MYO1D: variants seen among roughly 807,000 people sequenced by gnomAD.
MYO1D encodes the protein myosin ID.
MYO1D carries 83 observed loss-of-function variants against 122.0 expected under a neutral mutation model. That is an observed-to-expected ratio of 0.68 (90% CI 0.57 to 0.82). The LOEUF (loss-of-function observed/expected upper bound fraction) is 0.82, where lower values mean the gene tolerates loss of function less well. Ranked by LOEUF, MYO1D falls within the 40% of genes least tolerant of loss-of-function variation. MYO1D has a pLI of 0.00. For missense variants in MYO1D, 1,157 were observed against 1,269.5 expected, an observed-to-expected ratio of 0.91 and a Z score of 1.35; for synonymous variants, 464 against 446.9, an observed-to-expected ratio of 1.04 and a Z score of -0.48.
intron 1 of MYO1D, among the ~76,000 whole-genome samples, chr17:32,834,885 C>T (rs2090807102): frequency 6.6e-6 from 1 of 151,990 alleles, no homozygotes; most frequent in Admixed American, 6.5e-5. Context: ...GGTGGTGCGC[C>T]CCTGTAGTCC....
At chr17:32,807,579 G>C (rs977697388) in intron 1 of MYO1D, among the ~76,000 whole-genome samples, 1 of 152,140 alleles carries the variant, frequency 6.6e-6, no homozygotes, top group Non-Finnish European at 1.5e-5. Context: ...ACACTTCTGC[G>C]GGAGTTAGGC....
intron 7 of MYO1D, among the ~76,000 whole-genome samples, chr17:32,766,377 A>G (rs1006876017): frequency 6.6e-6 from 1 of 152,166 alleles, no homozygotes; most frequent in African/African-American, 2.4e-5. Flanking sequence ...TTTTACTATC[A>G]TTTTAAGTTT....
chr17:32,855,287 G>A (rs967540101), intron 1 of MYO1D, among the ~76,000 whole-genome samples: 2 of 151,872 alleles, frequency 1.3e-5, no homozygotes, highest in African/African-American at 2.4e-5. Flanking sequence ...GACTGTTCCC[G>A]GCACCCCCAG....
intron 1 of MYO1D, among the ~76,000 whole-genome samples, chr17:32,833,316 G>A (rs2090789619): frequency 6.6e-6 from 1 of 152,074 alleles, no homozygotes; most frequent in Non-Finnish European, 1.5e-5. Context: ...AGTATATCGA[G>A]AATCCATCTA....
chr17:32,622,864 T>G (rs1194843463), intron 20 of MYO1D, among the ~76,000 whole-genome samples: 1 of 152,146 alleles, frequency 6.6e-6, no homozygotes, highest in African/African-American at 2.4e-5. Flanking sequence ...CTGAGATGGG[T>G]GCTACTGTTA....
At chr17:32,704,123 A>C (rs563052310) in intron 16 of MYO1D, among the ~76,000 whole-genome samples, 61 of 152,324 alleles carry the variant, frequency 4.0e-4, no homozygotes, top group African/African-American at 1.3e-3. Flanking sequence ...AAACTTATAT[A>C]GTTTCTTCAG....
chr17:32,759,795 T>C, intron 10 of MYO1D: 1 of 308,506 alleles, frequency 3.2e-6, no homozygotes, highest in Non-Finnish European at 5.9e-6. Context: ...ATAATTGAAG[T>C]GTAATACACA....
At chr17:32,619,230 T>C (rs149260146) in intron 20 of MYO1D, among the ~76,000 whole-genome samples, 168 of 152,324 alleles carry the variant, frequency 1.1e-3, no homozygotes, top group African/African-American at 4.0e-3. Context: ...AGTTTTCATA[T>C]ATTGCAGTCA....
Position 32,741,515 on chromosome 17 carries a change from G to T in MYO1D, c.1614-3130C>A, listed in dbSNP as rs117490665. Among the ~76,000 whole-genome samples, 147 of 152,188 alleles carry T rather than the reference G, an allele frequency of 9.7e-4. 1 individual carries two copies. In the South Asian group the frequency reaches 0.011, roughly 11 times the overall value. On this transcript the variant is annotated intron_variant, in intron 13 of 21. Transcript: ENST00000318217. ...GCAAAACTATTCCTATTGTGAAATGGATTCATCTTAGCCTGATGCCTTTAT... is the reference window on the plus strand; with the variant it reads ...GCAAAACTATTCCTATTGTGAAATGTATTCATCTTAGCCTGATGCCTTTAT...
chr17:32,718,006 C>T (rs183182712), intron 15 of MYO1D, among the ~76,000 whole-genome samples: 1 of 152,170 alleles, frequency 6.6e-6, no homozygotes, highest in African/African-American at 2.4e-5. Context: ...ACCTTACATG[C>T]GGCTAGACCT....
In MYO1D at chr17:32,638,846, A is replaced by T. The variant is rs780721065; in HGVS notation, c.2596-11T>A. ...ACTAAATCGATTTACCTGTAAGAGAACAAACCAATAAACCATAGTATCTCA... is the reference window on the plus strand; with the variant it reads ...ACTAAATCGATTTACCTGTAAGAGATCAAACCAATAAACCATAGTATCTCA... On this transcript the variant is annotated splice_polypyrimidine_tract_variant and intron_variant, in intron 19 of 21. Transcript: ENST00000318217. 40 of 1,555,388 alleles carry T rather than the reference A, an allele frequency of 2.6e-5. No homozygotes were observed. In the Middle Eastern group the frequency reaches 5.0e-4, roughly 20 times the overall value.
At chr17:32,783,665 T>C (rs1038144362) in intron 1 of MYO1D, among the ~76,000 whole-genome samples, 1 of 152,232 alleles carries the variant, frequency 6.6e-6, no homozygotes, top group Non-Finnish European at 1.5e-5. Flanking sequence ...GGTTATCAAA[T>C]ACAAAACTTT....
At chr17:32,846,814 T>G (rs1598151789) in intron 1 of MYO1D, among the ~76,000 whole-genome samples, 2 of 151,996 alleles carry the variant, frequency 1.3e-5, no homozygotes, top group South Asian at 4.2e-4. Flanking sequence ...CCAGCTAAAT[T>G]TTTTTAAACA....
chr17:32,541,611 T>C (rs1322134822), intron 21 of MYO1D, among the ~76,000 whole-genome samples: 1 of 152,214 alleles, frequency 6.6e-6, no homozygotes, highest in African/African-American at 2.4e-5. Context: ...TTTAGATAGT[T>C]AGCTAGAAAG....
At chr17:32,649,520 T>C (rs566020455) in intron 19 of MYO1D, among the ~76,000 whole-genome samples, 3 of 152,226 alleles carry the variant, frequency 2.0e-5, no homozygotes, top group South Asian at 4.1e-4. Flanking sequence ...TAGCATGTAT[T>C]TATGGCTTTT....
In MYO1D at chr17:32,714,096, T is replaced by C. The variant is rs368293282; in HGVS notation, c.1914-1901A>G. On this transcript the variant is annotated intron_variant, in intron 15 of 21. Transcript: ENST00000318217. ...TTATTTTTAAGTTCTGAGGTACATG[T>C]GTAGGATGTGCAGGTTTGTTACATA... Among the ~76,000 whole-genome samples the C allele has an allele frequency of 3.1e-4, 47 of 152,092 alleles. No homozygotes were observed. In the East Asian group the frequency reaches 7.1e-3, roughly 23 times the overall value.
chr17:32,664,125 A>G (rs1454446976), intron 16 of MYO1D, among the ~76,000 whole-genome samples: 2 of 152,246 alleles, frequency 1.3e-5, no homozygotes, highest in African/African-American at 4.8e-5. Flanking sequence ...AAGGACAAGC[A>G]TTGAAAACTA....
chr17:32,787,173 T>A (rs1327160859), intron 1 of MYO1D, among the ~76,000 whole-genome samples: 2 of 151,966 alleles, frequency 1.3e-5, no homozygotes, highest in African/African-American at 2.4e-5. Flanking sequence ...AAAGGTCATA[T>A]TAAAAGACAT....
At chr17:32,809,150 A>C (rs2151049095) in intron 1 of MYO1D, among the ~76,000 whole-genome samples, 1 of 151,786 alleles carries the variant, frequency 6.6e-6, no homozygotes, top group South Asian at 2.1e-4. Flanking sequence ...AAAAAAAAAA[A>C]ACTGTCACCC....
Sources: allele counts gnomAD v4.1 joint callset (sites outside exome capture counted in the v4.1 genomes callset), GRCh38; gene constraint gnomAD v4.1.1; transcripts MANE v1.5; gene names NCBI Gene and HGNC (gene_info 2026-07-23, HGNC 2026-07-21).